TAAR2: variants seen among roughly 807,000 people sequenced by gnomAD.
TAAR2 encodes trace amine associated receptor 2.
A neutral mutation model predicts 25.5 loss-of-function variants in TAAR2; 30 were observed. The observed-to-expected ratio is 1.18, with a 90% confidence interval of 0.88 to 1.60. The LOEUF is 1.60. TAAR2 is among the 40% of genes most tolerant of loss of function. The pLI is 0.00. For synonymous variants in TAAR2, 150 were observed against 142.4 expected (o/e 1.05, Z -0.38); for missense variants, 481 against 416.5 (o/e 1.15, Z -1.35).
chr6:132,617,751 G>A lies in TAAR2; in HGVS notation c.455C>T (p.Ser152Phe). The A allele has an allele frequency of 6.2e-7, 1 of 1,614,018 alleles. No individual in the cohort carries two copies. Among genetic ancestry groups the A allele is most frequent in the Non-Finnish European group, 8.5e-7 (1 of 1,179,988 alleles). The stretch of plus-strand genomic sequence containing the variant: ...AATGACTGGAATAGTTATTTTGGTG[G>A]AATAAAGTAATGGGTAACATATAGC... ...FYAICYPLLY[S>F]TKITIPVIKR... Residue 152 changes from serine to phenylalanine, a missense_variant, in exon 2 of 2, where the codon TCC becomes TTC. Physicochemically the swap from Ser to Phe is radical, Grantham distance 155. Transcript: ENST00000367931.
chr6:132,624,219 T>C lies in TAAR2; in HGVS notation c.57A>G (p.Lys19=). ...ELSHFKRTQT[K]KEKFNCSEYG... ...AGTCATATGTTTAAGGGCCTACCTT[T>C]TTTGTCTGTGTTCTTTTGAAATGTG... The change falls in exon 1 of 2, where the codon AAA becomes AAG. Residue 19 remains lysine, a synonymous_variant. Transcript: ENST00000367931. 1 of 1,613,458 alleles carries C rather than the reference T, an allele frequency of 6.2e-7. No homozygotes were observed. The highest frequency in any genetic ancestry group is 8.5e-7 in the Non-Finnish European group (1 of 1,179,654).
chr6:132,623,376 A>G (rs1008690174), intron 1 of TAAR2, among the ~76,000 whole-genome samples: 1 of 152,158 alleles, frequency 6.6e-6, no homozygotes, highest in African/African-American at 2.4e-5. Context: ...ACCTTCCACA[A>G]TCTTCCACAT....
At position 132,618,016 on chromosome 6, in the gene TAAR2, TG is replaced by T. The variant is rs761889921; in HGVS notation, c.189del (p.Met64Ter). 1.2e-6 allele frequency: 2 copies of T among 1,614,058 alleles called. No homozygotes were observed. Among genetic ancestry groups the T allele is most frequent in the Admixed American group, 3.3e-5 (2 of 60,010 alleles). On this transcript the variant is annotated frameshift_variant, in exon 2 of 2. Coordinates refer to ENST00000367931, the MANE Select transcript of TAAR2 (RefSeq NM_001033080.1). LOFTEE classifies it high-confidence loss of function. ...TTGAAGTAGGAAATGGAAATTATCA[TG>T]GCAAGATTGCCAAATATTGTGATGA... ...SIFITIFGNL[A>X]MIISISYFKQ...
At chr6:132,623,630 C>T (rs1471435319) in intron 1 of TAAR2, among the ~76,000 whole-genome samples, 2 of 151,028 alleles carry the variant, frequency 1.3e-5, no homozygotes, top group Non-Finnish European at 2.9e-5. Context: ...GTATATGGAA[C>T]CAGAAGACCT....
At position 132,618,027 on chromosome 6, in the gene TAAR2, C is replaced by T. The variant is rs755853232; in HGVS notation, c.179G>A (p.Gly60Asp). 6.2e-6 allele frequency: 10 copies of T among 1,613,932 alleles called. No individual in the cohort carries two copies. Among genetic ancestry groups the T allele is most frequent in the Admixed American group, 1.7e-5 (1 of 60,008 alleles). The change falls in exon 2 of 2, where the codon GGC becomes GAC. Residue 60 changes from glycine to aspartate, a missense_variant. By Grantham distance (94) the Gly-to-Asp change is moderately conservative (BLOSUM62 -1). Transcript: ENST00000367931. ...AATGGAAATTATCATGGCAAGATTGCCAAATATTGTGATGAATATGGATCC... is the reference window on the plus strand; with the variant it reads ...AATGGAAATTATCATGGCAAGATTGTCAAATATTGTGATGAATATGGATCC... ...MAGSIFITIF[G>D]NLAMIISISY... is the part of the protein sequence containing the mutation.
At chr6:132,622,123 G>C (rs371873856) in intron 1 of TAAR2, among the ~76,000 whole-genome samples, 93 of 151,958 alleles carry the variant, frequency 6.1e-4, no homozygotes, top group African/African-American at 2.1e-3. Context: ...CGCCATTACT[G>C]TTACGTTTCT....
chr6:132,617,659 C>G lies in TAAR2; in HGVS notation c.547G>C (p.Ala183Pro). The G allele has an allele frequency of 6.2e-7, 1 of 1,613,904 alleles. No individual in the cohort carries two copies. The highest frequency in any genetic ancestry group is 8.5e-7 in the Non-Finnish European group (1 of 1,179,974). Residue 183 changes from alanine (A) to proline (P), a missense_variant, in exon 2 of 2, where the codon GCC becomes CCC. Physicochemically the swap from Ala to Pro is conservative, Grantham distance 27. Transcript: ENST00000367931. The stretch of plus-strand genomic sequence containing the variant: ...TAGCCCTCTATTCCATCTGCATAGG[C>G]CTCTGAGAAGACCACCCCGAAGGCA... ...AFAFGVVFSEAYADGIEGYDI... is the reference protein window; with the variant it reads ...AFAFGVVFSEPYADGIEGYDI...
intron 1 of TAAR2, among the ~76,000 whole-genome samples, chr6:132,622,400 C>A (rs1395957029): frequency 1.5e-5 from 2 of 131,914 alleles, no homozygotes; most frequent in South Asian, 2.5e-4. Flanking sequence ...TTTGTGATGT[C>A]TTTTCTTTTT....
intron 1 of TAAR2, among the ~76,000 whole-genome samples, chr6:132,619,574 G>C (rs922547078): frequency 1.3e-5 from 2 of 152,078 alleles, no homozygotes; most frequent in African/African-American, 4.8e-5. Context: ...CAATATGAAA[G>C]ATACAAGGAA....
At chr6:132,621,184 G>A (rs572141717) in intron 1 of TAAR2, among the ~76,000 whole-genome samples, 8 of 149,628 alleles carry the variant, frequency 5.3e-5, no homozygotes, top group South Asian at 2.1e-4. Context: ...AACAAATAAC[G>A]AACATCCTTT....
Position 132,617,943 on chromosome 6 carries a change from G to A in TAAR2, c.263C>T (p.Thr88Ile). 5.0e-6 allele frequency: 8 copies of A among 1,614,032 alleles called. No homozygotes were observed. The highest frequency in any genetic ancestry group is 6.8e-6 in the Non-Finnish European group (8 of 1,179,968). Residue 88 changes from threonine to isoleucine, a missense_variant, in exon 2 of 2, where the codon ACT becomes ATT. Transcript: ENST00000367931. Reference sequence around the variant, plus strand: ...GATGGTGAATCCCAGGAGGAAATCAGTGATGGCCATGGAGAGGATGAGGAA... The same window carrying A: ...GATGGTGAATCCCAGGAGGAAATCAATGATGGCCATGGAGAGGATGAGGAA... ...TNFLILSMAI[T>I]DFLLGFTIMP...
chr6:132,623,053 T>G (rs1440932367), intron 1 of TAAR2, among the ~76,000 whole-genome samples: 1 of 152,146 alleles, frequency 6.6e-6, no homozygotes, highest in Admixed American at 6.5e-5. Context: ...CTTCCTTTTT[T>G]CCTTCCTTCT....
At chr6:132,621,982 A>G (rs1777381095) in intron 1 of TAAR2, among the ~76,000 whole-genome samples, 1 of 152,176 alleles carries the variant, frequency 6.6e-6, no homozygotes. Context: ...GTCTAAGGAA[A>G]GCTAAATGTA....
At chr6:132,620,655 G>A (rs117367388) in intron 1 of TAAR2, among the ~76,000 whole-genome samples, 2,805 of 152,166 alleles carry the variant, frequency 0.018, 67 homozygotes, top group East Asian at 0.072. Context: ...AGGGAGAAGA[G>A]CAGAAAAGAT....
In TAAR2 at chr6:132,617,865, G is replaced by A; in HGVS notation, c.341C>T (p.Thr114Ile). The change falls in exon 2 of 2, where the codon ACA (threonine) becomes ATA (isoleucine). Residue 114 changes from threonine to isoleucine, a missense_variant. Coordinates refer to ENST00000367931, the MANE Select transcript of TAAR2 (RefSeq NM_001033080.1). ...SVENCWYFGL[T>I]FCKIYYSFDL... ...AAAACTATAATAAATCTTGCAAAATGTAAGCCCAAAATACCAGCAGTTCTC... is the reference window on the plus strand; with the variant it reads ...AAAACTATAATAAATCTTGCAAAATATAAGCCCAAAATACCAGCAGTTCTC... 2 of 1,614,054 alleles carry A rather than the reference G, an allele frequency of 1.2e-6. No homozygotes were observed. Among genetic ancestry groups the A allele is most frequent in the Non-Finnish European group, 1.7e-6 (2 of 1,179,976 alleles).
chr6:132,623,546 G>A (rs1284114462), intron 1 of TAAR2, among the ~76,000 whole-genome samples: 3 of 151,886 alleles, frequency 2.0e-5, no homozygotes, highest in Admixed American at 6.6e-5. Flanking sequence ...TCCACATACC[G>A]GCAGAAGATT....
chr6:132,622,336 A>AT (rs940470949), intron 1 of TAAR2, among the ~76,000 whole-genome samples: 9 of 150,594 alleles, frequency 6.0e-5, no homozygotes, highest in African/African-American at 2.2e-4. Context: ...TATTATTATT[A>AT]TTTTTTCTTT....
chr6:132,624,105 G>A (rs1044048251), intron 1 of TAAR2, 111 bp downstream of exon 1: 2 of 1,040,774 alleles, frequency 1.9e-6, no homozygotes, highest in Admixed American at 4.2e-5. Flanking sequence ...AACCCTTTTA[G>A]ATCTGGAGGA....
intron 1 of TAAR2, among the ~76,000 whole-genome samples, chr6:132,618,364 G>T (rs938558516): frequency 6.6e-6 from 1 of 152,118 alleles, no homozygotes; most frequent in African/African-American, 2.4e-5. Context: ...TATTGGCCAG[G>T]TGCGGTGGCT....
Sources: allele counts gnomAD v4.1 joint callset (sites outside exome capture counted in the v4.1 genomes callset), GRCh38; gene constraint gnomAD v4.1.1; transcripts MANE v1.5; gene names NCBI Gene and HGNC (gene_info 2026-07-23, HGNC 2026-07-21).